The following ARHGEF38 variants were observed in gnomAD, a reference collection of about 807,000 sequenced individuals.
The protein encoded by ARHGEF38 is Rho guanine nucleotide exchange factor 38.
Under a neutral mutation model 79.9 loss-of-function variants are expected in ARHGEF38, and 79 were observed. The observed-to-expected ratio is 0.99, with a 90% confidence interval of 0.82 to 1.19. ARHGEF38 has a LOEUF of 1.19. Ranked by LOEUF, ARHGEF38 falls within the 50% of genes most tolerant of loss-of-function variation. The pLI is 0.00. For synonymous variants in ARHGEF38, 366 were observed against 328.3 expected, an observed-to-expected ratio of 1.11 and a Z score of -1.24; for missense variants, 962 against 907.2, an observed-to-expected ratio of 1.06 and a Z score of -0.78.
At chr4:105,603,506 C>G (rs1727911683) in intron 2 of ARHGEF38, among the ~76,000 whole-genome samples, 1 of 152,076 alleles carries the variant, frequency 6.6e-6, no homozygotes, top group Non-Finnish European at 1.5e-5. Flanking sequence ...CTTTCCTGGC[C>G]TTTTTCAGGC....
intron 1 of ARHGEF38, among the ~76,000 whole-genome samples, chr4:105,575,062 G>A (rs1726430114): frequency 6.6e-6 from 1 of 151,552 alleles, no homozygotes; most frequent in Non-Finnish European, 1.5e-5. Context: ...CCACTCACTG[G>A]TCAGTGGGCA....
intron 7 of ARHGEF38, among the ~76,000 whole-genome samples, chr4:105,651,160 T>C (rs982841195): frequency 8.5e-5 from 13 of 152,200 alleles, no homozygotes; most frequent in African/African-American, 3.1e-4. Context: ...TATTTCTCAA[T>C]TGTGAACTAA....
Position 105,552,896 on chromosome 4 carries a change from G to C in ARHGEF38, c.131G>C (p.Gly44Ala). ...ACTGTGGTTGAGAGCAGTGTTTCTG[G>C]GGACCACTCTGGCACCTTGAGGAGG... is the stretch of plus-strand genomic sequence containing the variant. ...TDTVVESSVS[G>A]DHSGTLRRSQ... is the part of the protein sequence containing the mutation. The change falls in exon 1 of 14, where the codon GGG (glycine) becomes GCG (alanine). Residue 44 changes from glycine to alanine, a missense_variant. Physicochemically the swap from Gly to Ala is moderately conservative, Grantham distance 60 (BLOSUM62 0). Coordinates refer to ENST00000420470, the MANE Select transcript of ARHGEF38 (RefSeq NM_001242729.2). The C allele has an allele frequency of 1.2e-6, 2 of 1,613,888 alleles. No homozygotes were observed. Among genetic ancestry groups the C allele is most frequent in the Non-Finnish European group, 1.7e-6 (2 of 1,179,854 alleles).
chr4:105,601,835 A>T (rs1208348276), intron 2 of ARHGEF38, among the ~76,000 whole-genome samples: 1 of 152,122 alleles, frequency 6.6e-6, no homozygotes, highest in Non-Finnish European at 1.5e-5. Context: ...GCCTCCCCAA[A>T]ATTCCGTATC....
At chr4:105,572,733 C>A (rs1726299281) in intron 1 of ARHGEF38, among the ~76,000 whole-genome samples, 1 of 152,144 alleles carries the variant, frequency 6.6e-6, no homozygotes, top group Non-Finnish European at 1.5e-5. Flanking sequence ...CTTTTTAAAG[C>A]TTGAATAATA....
intron 10 of ARHGEF38, among the ~76,000 whole-genome samples, chr4:105,661,626 A>G (rs746921451): frequency 1.5e-4 from 23 of 151,904 alleles, no homozygotes; most frequent in Non-Finnish European, 3.4e-4. Flanking sequence ...AATAACTTCT[A>G]TACATTAAAC....
At chr4:105,573,952 A>G (rs1466837341) in intron 1 of ARHGEF38, among the ~76,000 whole-genome samples, 1 of 152,060 alleles carries the variant, frequency 6.6e-6, no homozygotes, top group Admixed American at 6.5e-5. Context: ...GTTAAGTCAT[A>G]AGTATTTCAT....
At chr4:105,670,724 T>G (rs565411257) in intron 13 of ARHGEF38, among the ~76,000 whole-genome samples, 2 of 152,344 alleles carry the variant, frequency 1.3e-5, no homozygotes, top group Non-Finnish European at 2.9e-5. Context: ...TAATGCTAAC[T>G]AATGAATTTT....
intron 13 of ARHGEF38, among the ~76,000 whole-genome samples, chr4:105,668,812 C>T (rs999983624): frequency 3.3e-5 from 5 of 152,158 alleles, no homozygotes; most frequent in African/African-American, 1.2e-4. Context: ...TTTTGTGAGG[C>T]TGAGGTGGGA....
chr4:105,563,232 A>T (rs1725723353), intron 1 of ARHGEF38: 1 of 152,216 alleles, frequency 6.6e-6, no homozygotes. Context: ...TATGATAAGA[A>T]AGAGCTTAAT....
At chr4:105,571,586 G>C (rs777605515) in intron 1 of ARHGEF38, among the ~76,000 whole-genome samples, 1 of 152,078 alleles carries the variant, frequency 6.6e-6, no homozygotes, top group Non-Finnish European at 1.5e-5. Flanking sequence ...GCCTCCTAAA[G>C]TGCTGGGATT....
chr4:105,666,211 A>G lies in ARHGEF38; in HGVS notation c.1580A>G (p.Gln527Arg). The change falls in exon 11 of 14, where the codon CAG (glutamine) becomes CGG (arginine). Residue 527 changes from glutamine to arginine, a missense_variant. Coordinates refer to ENST00000420470, the MANE Select transcript of ARHGEF38 (RefSeq NM_001242729.2). ...TTGGTTTCAAGCATTTCTGAGATTCAGAATCAAGTACTAGAAGAGATCCAA... is the reference window on the plus strand; with the variant it reads ...TTGGTTTCAAGCATTTCTGAGATTCGGAATCAAGTACTAGAAGAGATCCAA... ...PLLVSSISEIQNQVLEEIQNL... is the reference protein window; with the variant it reads ...PLLVSSISEIRNQVLEEIQNL... 6.5e-7 allele frequency: 1 copy of G among 1,530,534 alleles called. No individual in the cohort carries two copies. Among genetic ancestry groups the G allele is most frequent in the Non-Finnish European group, 8.7e-7 (1 of 1,145,292 alleles). 94.8% of individuals were successfully genotyped at this position (1,530,534 alleles called of 1,614,324 possible).
At chr4:105,635,856 CA>C (rs1291743076) in intron 4 of ARHGEF38, among the ~76,000 whole-genome samples, 1 of 151,984 alleles carries the variant, frequency 6.6e-6, no homozygotes, top group African/African-American at 2.4e-5. Flanking sequence ...TTAGACTAAG[CA>C]AAACCTAGTT....
intron 10 of ARHGEF38, among the ~76,000 whole-genome samples, chr4:105,659,814 G>T (rs948057027): frequency 6.7e-6 from 1 of 148,924 alleles, no homozygotes; most frequent in Admixed American, 6.7e-5. Flanking sequence ...GCTTTGTTTT[G>T]ATTTCATTTT....
At chr4:105,682,186 T>C (rs552411224), downstream of ARHGEF38, among the ~76,000 whole-genome samples, 19 of 152,244 alleles carry the variant, frequency 1.2e-4, no homozygotes, top group South Asian at 3.3e-3. Context: ...AAGGTAAAGA[T>C]ATAATATGAA....
intron 13 of ARHGEF38, among the ~76,000 whole-genome samples, chr4:105,676,841 A>T (rs2110589813): frequency 6.6e-6 from 1 of 152,292 alleles, no homozygotes; most frequent in Non-Finnish European, 1.5e-5. Flanking sequence ...ATTCAAAGAA[A>T]CAATAATATT....
intron 2 of ARHGEF38, among the ~76,000 whole-genome samples, chr4:105,610,010 C>T (rs998339521): frequency 1.4e-4 from 21 of 152,002 alleles, no homozygotes; most frequent in African/African-American, 4.3e-4. Context: ...ATATACACCA[C>T]GGAATACTAT....
In ARHGEF38 at chr4:105,637,344, C is replaced by G. The variant is rs577632947; in HGVS notation, c.674+924C>G. ...GTAGACCAGGGCTGTATATCTCAGT[C>G]AAGTTGAGAAGCTGATTTTTGAGAC... On this transcript the variant is annotated intron_variant, in intron 5 of 13. Transcript: ENST00000420470. 3.3e-5 allele frequency among the ~76,000 whole-genome samples: 5 copies of G among 152,196 alleles called. No individual in the cohort carries two copies. In the East Asian group the frequency reaches 9.7e-4, roughly 29 times the overall value.
At chr4:105,558,117 C>T (rs182951039) in intron 1 of ARHGEF38, among the ~76,000 whole-genome samples, 1 of 152,068 alleles carries the variant, frequency 6.6e-6, no homozygotes, top group Non-Finnish European at 1.5e-5. Context: ...TAATATGGTG[C>T]GAAAGATGAA....
Sources: gnomAD v4.1 joint callset for allele counts (sites outside exome capture counted in the v4.1 genomes callset) on GRCh38, gnomAD v4.1.1 for gene constraint, MANE v1.5 for transcripts, NCBI Gene and HGNC (gene_info 2026-07-23, HGNC 2026-07-21) for gene names.